Variants in ABCA3 observed in about 807,000 individuals in gnomAD.
ABCA3 encodes the protein phospholipid-transporting ATPase ABCA3.
ABCA3 carries 88 observed loss-of-function variants against 172.8 expected under a neutral mutation model. The ratio of observed to expected loss-of-function variants is 0.51; its 90% CI spans 0.43 to 0.61. The LOEUF is 0.61. ABCA3 is among the 20% of genes least tolerant of loss of function. The pLI is 0.00. For missense variants in ABCA3, 2,164 were observed against 2,301.0 expected, an observed-to-expected ratio of 0.94 and a Z score of 1.22; for synonymous variants, 1,066 against 983.8, an observed-to-expected ratio of 1.08 and a Z score of -1.56.
intron 12 of ABCA3, among the ~76,000 whole-genome samples, chr16:2,302,709 T>C (rs1282361097): frequency 6.6e-6 from 1 of 152,118 alleles, no homozygotes; most frequent in Non-Finnish European, 1.5e-5. Flanking sequence ...GGTCTCTAAC[T>C]CCTGGCCTCA....
chr16:2,282,296 A>G (rs1353340115), intron 26 of ABCA3, among the ~76,000 whole-genome samples: 3 of 152,142 alleles, frequency 2.0e-5, no homozygotes, highest in Middle Eastern at 3.2e-3. Flanking sequence ...ATAGGGTCTC[A>G]CTATGTTGCC....
chr16:2,288,449 G>T, intron 20 of ABCA3, 120 bp from the exon 21 acceptor site: 1 of 1,214,178 alleles, frequency 8.2e-7, no homozygotes, highest in Non-Finnish European at 1.1e-6. Context: ...AGCTGAGGTT[G>T]CACCGGAGAC....
intron 1 of ABCA3, among the ~76,000 whole-genome samples, chr16:2,337,522 C>T (rs921194493): frequency 6.6e-6 from 1 of 151,312 alleles, no homozygotes; most frequent in Non-Finnish European, 1.5e-5. Flanking sequence ...CATGGGTGTG[C>T]ACCACCATGC....
chr16:2,324,791 C>T (rs533071207), intron 5 of ABCA3, among the ~76,000 whole-genome samples: 2 of 152,244 alleles, frequency 1.3e-5, no homozygotes, highest in East Asian at 1.9e-4. Flanking sequence ...CTCCGGGTAG[C>T]GCCTGCAGCA....
intron 3 of ABCA3, among the ~76,000 whole-genome samples, chr16:2,326,745 T>C (rs1178871584): frequency 6.6e-6 from 1 of 152,112 alleles, no homozygotes; most frequent in African/African-American, 2.4e-5. Flanking sequence ...CTCAACACTT[T>C]GGGAGGCCGA....
chr16:2,331,814 C>T (rs118133710), intron 1 of ABCA3, among the ~76,000 whole-genome samples: 17 of 152,292 alleles, frequency 1.1e-4, no homozygotes, highest in Non-Finnish European at 1.6e-4. Flanking sequence ...CTCAGGACTC[C>T]AGCCACTCCT....
intron 1 of ABCA3, chr16:2,332,727 C>G: frequency 5.0e-6 from 6 of 1,207,628 alleles, no homozygotes; most frequent in Middle Eastern, 2.8e-4. Flanking sequence ...AGACCCGCAC[C>G]GATTGCCTCC....
intron 1 of ABCA3, among the ~76,000 whole-genome samples, chr16:2,336,373 C>T (rs1425314449): frequency 6.6e-6 from 1 of 152,006 alleles, no homozygotes; most frequent in Non-Finnish European, 1.5e-5. Context: ...CTGTGCCTTT[C>T]TCTGTATCAT....
chr16:2,279,249 G>T lies in ABCA3; in HGVS notation c.4360-119C>A. Reference sequence around the variant, plus strand: ...CTGCGCCTGTCTGTGGTTCCTGCCAGTGTGTGTACACGGGGGCGCTGGAGC... The same window carrying T: ...CTGCGCCTGTCTGTGGTTCCTGCCATTGTGTGTACACGGGGGCGCTGGAGC... On this transcript the variant is annotated intron_variant, in intron 28 of 32. Transcript: ENST00000301732. This position sits in a 1 kb window ranked among gnomAD's most constrained non-coding sequence, Gnocchi z 4.4. 1.6e-6 allele frequency: 2 copies of T among 1,237,690 alleles called. No individual in the cohort carries two copies. The highest frequency in any genetic ancestry group is 1.1e-6 in the Non-Finnish European group (1 of 878,580). 76.7% of individuals were successfully genotyped at this position (1,237,690 alleles called of 1,614,324 possible).
Position 2,288,196 on chromosome 16 carries a change from T to C in ABCA3, c.2834A>G (p.Asn945Ser), listed in dbSNP as rs1332204235. 4 of 1,603,690 alleles carry C rather than the reference T, an allele frequency of 2.5e-6. No homozygotes were observed. The highest frequency in any genetic ancestry group is 3.4e-6 in the Non-Finnish European group (4 of 1,175,044). ...GTCGTCGAAGAGCTCCGAGGAGTAG[T>C]TGATGGCCAGGAGGGCCAGGGTGAC... ...TCVTLALLAI[N>S]YSSELFDDPM... The change falls in exon 21 of 33, where the codon AAC becomes AGC. Residue 945 changes from asparagine (N) to serine (S), a missense_variant. By Grantham distance (46) the Asn-to-Ser change is conservative. Around this residue, in one of 3 missense-constraint regions of ABCA3, gnomAD observed 1,343 missense variants for 1,369.6 expected, o/e 0.98. Coordinates refer to ENST00000301732, the MANE Select transcript of ABCA3 (RefSeq NM_001089.3).
rs1355374635 is a variant in ABCA3 at position 2,317,304 on chromosome 16, C to T, written c.1090G>A (p.Val364Ile). Residue 364 changes from valine (V) to isoleucine (I), a missense_variant, in exon 10 of 33, where the codon GTC (valine) becomes ATC (isoleucine). This residue lies in a region of ABCA3 where 1,343 missense variants were observed against 1,369.6 expected (regional missense o/e 0.98). Coordinates refer to ENST00000301732, the MANE Select transcript of ABCA3 (RefSeq NM_001089.3). Reference sequence around the variant, plus strand: ...TCACCTTTGCTGAAGAAGGTGCTGACCATGAAGCTGAAGGAGATGGTAGAG... The same window carrying T: ...TCACCTTTGCTGAAGAAGGTGCTGATCATGAAGCTGAAGGAGATGGTAGAG... The part of the protein sequence containing the change: ...AISTISFSFM[V>I]STFFSKANMA... 1 of 1,614,088 alleles carries T rather than the reference C, an allele frequency of 6.2e-7. No homozygotes were observed. The highest frequency in any genetic ancestry group is 1.7e-5 in the Admixed American group (1 of 60,024).
chr16:2,299,545 C>CA lies in ABCA3; in HGVS notation c.1612-14dup, dbSNP rs1204562257. 5 of 1,612,256 alleles carry CA rather than the reference C, an allele frequency of 3.1e-6. No individual in the cohort carries two copies. The highest frequency in any genetic ancestry group is 4.2e-6 in the Non-Finnish European group (5 of 1,179,994). On this transcript the variant is annotated splice_polypyrimidine_tract_variant and intron_variant, in intron 13 of 32. Transcript: ENST00000301732. ...CCACCCTGAACACCTGCAGGAAAGG[C>CA]AGAGGCTGCCCTGGGCTACCCACAG...
rs1333838303 is a variant in ABCA3 at position 2,323,454 on chromosome 16, C to T, written c.613+69G>A. 3.1e-6 allele frequency: 5 copies of T among 1,589,898 alleles called. No homozygotes were observed. In the East Asian group the frequency reaches 6.7e-5, roughly 21 times the overall value. ...CAAGAAATACTTTTGCAAAGTGGGG[C>T]TGCCCCCATATGACTGTCACTAGTC... On this transcript the variant is annotated intron_variant, in intron 7 of 32. Coordinates refer to ENST00000301732, the MANE Select transcript of ABCA3 (RefSeq NM_001089.3).
intron 11 of ABCA3, among the ~76,000 whole-genome samples, chr16:2,307,134 G>GA (rs904663510): frequency 4.0e-5 from 6 of 150,968 alleles, no homozygotes; most frequent in African/African-American, 1.2e-4. Flanking sequence ...AAAAAGAAAA[G>GA]AAAAAAAATG....
In ABCA3 at chr16:2,286,671, ACAGGGACGGG is replaced by A. The variant is rs1187031468; in HGVS notation, c.3278+13_3278+22del. On this transcript the variant is annotated intron_variant, in intron 22 of 32. Coordinates refer to ENST00000301732, the MANE Select transcript of ABCA3 (RefSeq NM_001089.3). This position sits in a 1 kb window ranked among gnomAD's most constrained non-coding sequence, Gnocchi z 5.2. ...GTCCTGGGGGCTCTGGCCAGGGCAG[ACAGGGACGGG>A]CAGTGCACATACTCGTTAAACTGGT... is the stretch of plus-strand genomic sequence containing the variant. 3.7e-6 allele frequency: 6 copies of A among 1,612,094 alleles called. No individual in the cohort carries two copies. The highest frequency in any genetic ancestry group is 1.7e-5 in the Admixed American group (1 of 59,992).
At chr16:2,295,539 G>A in intron 18 of ABCA3, 51 bp downstream of exon 18, 1 of 1,603,474 alleles carries the variant, frequency 6.2e-7, no homozygotes, top group Non-Finnish European at 8.5e-7. Flanking sequence ...ATGGCCCATG[G>A]GGATCCCATC....
At chr16:2,291,026 T>A (rs1005632391) in intron 19 of ABCA3, among the ~76,000 whole-genome samples, 1 of 151,616 alleles carries the variant, frequency 6.6e-6, no homozygotes, top group African/African-American at 2.4e-5. Flanking sequence ...TGTGCCACCA[T>A]GCCCGGCTAA....
At chr16:2,320,264 A>C (rs2093723890) in intron 7 of ABCA3, among the ~76,000 whole-genome samples, 1 of 150,426 alleles carries the variant, frequency 6.6e-6, no homozygotes, top group South Asian at 2.1e-4. Flanking sequence ...ATGCCCAGCT[A>C]ATTTTTTGTA....
chr16:2,278,891 G>A lies in ABCA3; in HGVS notation c.4547+52C>T, dbSNP rs1453194458. 5.6e-6 allele frequency: 9 copies of A among 1,610,578 alleles called. No homozygotes were observed. In the East Asian group the frequency reaches 1.6e-4, roughly 28 times the overall value. On this transcript the variant is annotated intron_variant, in intron 29 of 32. Coordinates refer to ENST00000301732, the MANE Select transcript of ABCA3 (RefSeq NM_001089.3). This position sits in a 1 kb window ranked among gnomAD's most constrained non-coding sequence, Gnocchi z 4.4. ...GGTCACTCCCAGCTCTATGCTATGG[G>A]GACCTTGATTCTGACTCCACTCTGG...
Sources: allele counts gnomAD v4.1 joint callset (sites outside exome capture counted in the v4.1 genomes callset), GRCh38; gene constraint gnomAD v4.1.1; regional missense constraint gnomAD v4.1.1; non-coding constraint Gnocchi (gnomAD v3.1); transcripts MANE v1.5; gene names NCBI Gene and HGNC (gene_info 2026-07-23, HGNC 2026-07-21).